The following NCAM2 variants were observed in gnomAD, a reference collection of about 807,000 sequenced individuals.
NCAM2 encodes the protein N-CAM-2.
Under a neutral mutation model 98.1 loss-of-function variants are expected in NCAM2, and 30 were observed. That is an observed-to-expected ratio of 0.31 (90% CI 0.23 to 0.41). NCAM2 has a LOEUF of 0.41. Ranked by LOEUF, NCAM2 falls within the 10% of genes least tolerant of loss-of-function variation. NCAM2 has a pLI of 1.00. For missense variants in NCAM2, 867 were observed against 1,005.8 expected (o/e 0.86, Z 1.87); for synonymous variants, 368 against 342.4 (o/e 1.07, Z -0.83).
At chr21:21,237,107 C>G (rs950877590) in intron 1 of NCAM2, among the ~76,000 whole-genome samples, 1 of 152,056 alleles carries the variant, frequency 6.6e-6, no homozygotes, top group African/African-American at 2.4e-5. Context: ...AATCCTATTT[C>G]TGGAGGCACA....
At chr21:21,302,780 A>G (rs939212335) in intron 5 of NCAM2, among the ~76,000 whole-genome samples, 1 of 152,154 alleles carries the variant, frequency 6.6e-6, no homozygotes, top group Non-Finnish European at 1.5e-5. Context: ...AGATCATTAT[A>G]CCAAAAAGGC....
chr21:21,108,773 T>C (rs1030557465), intron 1 of NCAM2, among the ~76,000 whole-genome samples: 1 of 152,112 alleles, frequency 6.6e-6, no homozygotes, highest in Non-Finnish European at 1.5e-5. Context: ...CCCTACTTAT[T>C]GTATTGGAAA....
intron 5 of NCAM2, among the ~76,000 whole-genome samples, chr21:21,321,941 G>A (rs1395991736): frequency 6.6e-6 from 1 of 152,148 alleles, no homozygotes; most frequent in African/African-American, 2.4e-5. Flanking sequence ...ACTGCCATTT[G>A]AGCCAGCAAA....
intron 15 of NCAM2, among the ~76,000 whole-genome samples, chr21:21,499,485 CCCT>C (rs1418173090): frequency 1.3e-5 from 2 of 152,096 alleles, no homozygotes. Context: ...TCATGATCTG[CCCT>C]CCTCAGCCTC....
chr21:21,226,586 A>T (rs561094460), intron 1 of NCAM2: 34 of 152,214 alleles, frequency 2.2e-4, no homozygotes, highest in African/African-American at 6.7e-4. Context: ...TATATAAAGT[A>T]CTACCAAACC....
chr21:21,214,434 C>G (rs910321879), intron 1 of NCAM2, among the ~76,000 whole-genome samples: 1 of 151,750 alleles, frequency 6.6e-6, no homozygotes, highest in African/African-American at 2.4e-5. Context: ...AATATGGGTG[C>G]CAGGATAATT....
intron 1 of NCAM2, among the ~76,000 whole-genome samples, chr21:21,211,423 T>C (rs1199731718): frequency 6.6e-6 from 1 of 152,200 alleles, no homozygotes; most frequent in Non-Finnish European, 1.5e-5. Context: ...TTCAAATCTG[T>C]CTGACCCCAG....
At chr21:21,136,197 C>T (rs1267279103) in intron 1 of NCAM2, among the ~76,000 whole-genome samples, 1 of 152,208 alleles carries the variant, frequency 6.6e-6, no homozygotes, top group Non-Finnish European at 1.5e-5. Context: ...GAAATGGAGA[C>T]TCCTCACTAT....
chr21:21,411,149 CAT>C (rs1268644326), intron 10 of NCAM2, among the ~76,000 whole-genome samples: 3 of 71,372 alleles, frequency 4.2e-5, no homozygotes, highest in African/African-American at 1.1e-4. Context: ...TATATATATA[CAT>C]ATATATATGG....
chr21:21,303,965 T>G (rs939801053), intron 5 of NCAM2, among the ~76,000 whole-genome samples: 3 of 152,156 alleles, frequency 2.0e-5, no homozygotes, highest in Non-Finnish European at 4.4e-5. Flanking sequence ...ACTGGGCTGT[T>G]TTCTTATTAT....
chr21:21,027,858 G>GCTTC (rs1555872707), intron 1 of NCAM2, among the ~76,000 whole-genome samples: 27 of 142,516 alleles, frequency 1.9e-4, no homozygotes, highest in African/African-American at 6.9e-4. Context: ...TGTTTCTTAA[G>GCTTC]TTTTTTTTTT....
At chr21:21,356,709 C>T (rs966268611) in intron 8 of NCAM2, among the ~76,000 whole-genome samples, 5 of 152,038 alleles carry the variant, frequency 3.3e-5, no homozygotes, top group Non-Finnish European at 4.4e-5. Context: ...ATATAAGTTT[C>T]GCCAGGCACA....
chr21:21,101,692 G>T (rs757582720), intron 1 of NCAM2, among the ~76,000 whole-genome samples: 2 of 151,970 alleles, frequency 1.3e-5, no homozygotes, highest in Admixed American at 6.6e-5. Flanking sequence ...TCTCAAAAAG[G>T]TCACAGTCAT....
chr21:21,510,858 A>G lies in NCAM2; in HGVS notation c.2282+1803A>G, dbSNP rs1988330603. Among the ~76,000 whole-genome samples, 5 of 152,070 alleles carry G rather than the reference A, an allele frequency of 3.3e-5. 1 individual carries two copies. Among genetic ancestry groups the G allele is most frequent in the Admixed American group, 3.3e-4 (5 of 15,252 alleles). On this transcript the variant is annotated intron_variant, in intron 16 of 17. Coordinates refer to ENST00000400546, the MANE Select transcript of NCAM2 (RefSeq NM_004540.5). Reference sequence around the variant, plus strand: ...TTTAATAAATATTCACAAGCTGAGCATGCCCATTTTTAACGCTCAAATCAA... The same window carrying G: ...TTTAATAAATATTCACAAGCTGAGCGTGCCCATTTTTAACGCTCAAATCAA...
intron 1 of NCAM2, among the ~76,000 whole-genome samples, chr21:21,261,286 A>G (rs1418498282): frequency 6.6e-6 from 1 of 152,186 alleles, no homozygotes; most frequent in African/African-American, 2.4e-5. Context: ...TCTCTAGATC[A>G]TCAAGGCAGA....
chr21:21,147,043 A>C, intron 1 of NCAM2: 1 of 934,116 alleles, frequency 1.1e-6, no homozygotes, highest in Non-Finnish European at 1.3e-6. Context: ...CCCACTCCGG[A>C]ACTCATACGG....
intron 14 of NCAM2, among the ~76,000 whole-genome samples, chr21:21,474,038 C>T (rs2776106): frequency 0.022 from 3,316 of 151,828 alleles, 115 homozygotes; most frequent in African/African-American, 0.076. Context: ...CATTAAGTTA[C>T]CTAGGGGAAC....
At chr21:21,346,426 AT>A (rs1439558045) in intron 8 of NCAM2, among the ~76,000 whole-genome samples, 1 of 152,076 alleles carries the variant, frequency 6.6e-6, no homozygotes, top group Non-Finnish European at 1.5e-5. Flanking sequence ...TCCCATCACA[AT>A]AATAGCTGGA....
chr21:21,431,713 T>A (rs2077349093), intron 11 of NCAM2, among the ~76,000 whole-genome samples: 1 of 152,132 alleles, frequency 6.6e-6, no homozygotes, highest in Non-Finnish European at 1.5e-5. Context: ...TTTATGGTGA[T>A]GGTTGAATAA....
Sources: gnomAD v4.1 joint callset for allele counts (sites outside exome capture counted in the v4.1 genomes callset) on GRCh38, gnomAD v4.1.1 for gene constraint, MANE v1.5 for transcripts, NCBI Gene and HGNC (gene_info 2026-07-23, HGNC 2026-07-21) for gene names.